Variants in NUP133 observed in about 807,000 individuals in gnomAD.
NUP133 encodes the protein nuclear pore complex protein Nup133.
In NUP133, 66 loss-of-function variants were observed where a neutral mutation model predicts 146.2. The ratio of observed to expected loss-of-function variants is 0.45; its 90% CI spans 0.37 to 0.55. The LOEUF is 0.55. NUP133 is among the 20% of genes least tolerant of loss of function. The pLI is 0.00. For missense variants in NUP133, 1,277 were observed against 1,374.8 expected (o/e 0.93, Z 1.12); for synonymous variants, 521 against 498.8 (o/e 1.04, Z -0.59).
At chr1:229,461,946 C>T (rs1460448308) in intron 19 of NUP133, among the ~76,000 whole-genome samples, 5 of 151,360 alleles carry the variant, frequency 3.3e-5, no homozygotes, top group South Asian at 4.2e-4. Context: ...TGCAGTGGCA[C>T]GATCTTGGCT....
chr1:229,493,642 A>T (rs1344853410), intron 8 of NUP133, among the ~76,000 whole-genome samples: 1 of 152,180 alleles, frequency 6.6e-6, no homozygotes, highest in East Asian at 1.9e-4. Context: ...TCAAGAACAT[A>T]ATAGAGTACT....
intron 21 of NUP133, among the ~76,000 whole-genome samples, chr1:229,455,851 TCTAATA>T (rs1160080004): frequency 3.3e-5 from 5 of 152,088 alleles, no homozygotes; most frequent in African/African-American, 1.2e-4. Context: ...AGTTATATCA[TCTAATA>T]CTAAGTATGT....
Position 229,445,517 on chromosome 1 carries a change from G to A in NUP133, c.3246-515C>T, listed in dbSNP as rs142077662. On this transcript the variant is annotated intron_variant, in intron 24 of 25. Transcript: ENST00000261396. ...TACTTTTGTGTAGAGACAAAGTCTC[G>A]CTATGTTCCCAGGCTGGTCTTGAAC... 4.7e-4 allele frequency among the ~76,000 whole-genome samples: 72 copies of A among 152,174 alleles called. 1 individual carries two copies. The East Asian group carries it at 9.3e-3, about 20-fold the overall frequency.
At chr1:229,445,042 T>C in intron 24 of NUP133, 40 bp from the exon 25 acceptor site, 3 of 1,321,924 alleles carry the variant, frequency 2.3e-6, no homozygotes, top group Non-Finnish European at 3.2e-6. Flanking sequence ...ATGAAATCAC[T>C]GATATAGCTG....
intron 6 of NUP133, among the ~76,000 whole-genome samples, chr1:229,497,490 A>T (rs964781860): frequency 6.6e-6 from 1 of 152,188 alleles, no homozygotes; most frequent in Non-Finnish European, 1.5e-5. Flanking sequence ...AACAAGAGGG[A>T]AACAGCACAG....
chr1:229,446,270 G>T (rs1056985660), intron 24 of NUP133, among the ~76,000 whole-genome samples: 1 of 152,108 alleles, frequency 6.6e-6, no homozygotes, highest in Non-Finnish European at 1.5e-5. Flanking sequence ...TTAGCTGGGC[G>T]TGGTGGCGCA....
chr1:229,481,662 G>A (rs1661214442), intron 12 of NUP133, among the ~76,000 whole-genome samples: 2 of 149,708 alleles, frequency 1.3e-5, no homozygotes, highest in South Asian at 4.2e-4. Context: ...TCACACCACT[G>A]CACTCTGGCC....
Position 229,477,750 on chromosome 1 carries a change from C to A in NUP133, c.1603G>T (p.Gly535Cys). 6.2e-7 allele frequency: 1 copy of A among 1,604,260 alleles called. No homozygotes were observed. Among genetic ancestry groups the A allele is most frequent in the Non-Finnish European group, 8.5e-7 (1 of 1,174,980 alleles). Residue 535 changes from glycine to cysteine, a missense_variant, in exon 13 of 26, where the codon GGT becomes TGT. Transcript: ENST00000261396. Reference protein sequence around the residue: ...AFLQYCRKDLGHAQMVVDELF... With the variant: ...AFLQYCRKDLCHAQMVVDELF... The stretch of plus-strand genomic sequence containing the variant: ...TCATCAACCACCATTTGAGCATGAC[C>A]TAAATCTTTTCTGAAATAAAATTGG...
chr1:229,470,022 GCCCCCTGC>G (rs1205274141), intron 15 of NUP133, among the ~76,000 whole-genome samples: 2 of 152,050 alleles, frequency 1.3e-5, no homozygotes, highest in Non-Finnish European at 2.9e-5. Context: ...AAGACTTAGT[GCCCCCTGC>G]CCCCAGAAAA....
At chr1:229,496,643 G>A (rs1661663821) in intron 6 of NUP133, among the ~76,000 whole-genome samples, 1 of 152,264 alleles carries the variant, frequency 6.6e-6, no homozygotes, top group Non-Finnish European at 1.5e-5. Context: ...TGTTACATTG[G>A]AATGTAGATG....
At chr1:229,506,722 C>T (rs1301259479) in intron 1 of NUP133, among the ~76,000 whole-genome samples, 3 of 150,152 alleles carry the variant, frequency 2.0e-5, no homozygotes, top group Non-Finnish European at 4.4e-5. Flanking sequence ...GCCTGGGGAA[C>T]GTGGCAAGAC....
At chr1:229,468,919 T>C (rs754369159) in intron 15 of NUP133, among the ~76,000 whole-genome samples, 24 of 152,300 alleles carry the variant, frequency 1.6e-4, no homozygotes, top group Middle Eastern at 3.4e-3. Context: ...CCCCAGGAAC[T>C]AACCCAAATG....
intron 19 of NUP133, 90 bp downstream of exon 19, chr1:229,463,452 CA>C: frequency 7.3e-7 from 1 of 1,362,616 alleles, no homozygotes; most frequent in Non-Finnish European, 1.0e-6. Flanking sequence ...TATCATATTC[CA>C]AAAGCCCTGA....
At chr1:229,465,953 A>C (rs748384701) in intron 16 of NUP133, among the ~76,000 whole-genome samples, 12 of 151,918 alleles carry the variant, frequency 7.9e-5, no homozygotes, top group Non-Finnish European at 1.0e-4. Context: ...ACAGATCTGC[A>C]TGATTACTTT....
intron 12 of NUP133, among the ~76,000 whole-genome samples, chr1:229,483,459 C>T (rs554639307): frequency 9.9e-5 from 15 of 152,146 alleles, no homozygotes; most frequent in South Asian, 2.1e-4. Context: ...TGGCTCACGC[C>T]TGTAATCCCA....
At chr1:229,478,453 TG>T (rs1661130220) in intron 12 of NUP133, among the ~76,000 whole-genome samples, 1 of 150,340 alleles carries the variant, frequency 6.7e-6, no homozygotes, top group African/African-American at 2.5e-5. Context: ...TGGGGAGAAC[TG>T]GGGGAGGGGT....
rs569954082 is a variant in NUP133, at chr1:229,470,319, A to G, written c.2076+261T>C. On this transcript the variant is annotated intron_variant, in intron 15 of 25. Transcript: ENST00000261396. Reference sequence around the variant, plus strand: ...AAAAAAAAAGAAGATCAGCATGCAAAGCAAATAGGTACTTGGAGACAGTTA... The same window carrying G: ...AAAAAAAAAGAAGATCAGCATGCAAGGCAAATAGGTACTTGGAGACAGTTA... 2.0e-5 allele frequency among the ~76,000 whole-genome samples: 3 copies of G among 152,270 alleles called. No homozygotes were observed. The East Asian group carries it at 5.8e-4, about 29-fold the overall frequency.
rs554949250 is a variant in NUP133, at chr1:229,449,524, C to T, written c.3181-334G>A. On this transcript the variant is annotated intron_variant, in intron 23 of 25. Transcript: ENST00000261396. Reference sequence around the variant, plus strand: ...CTGGGATTATAGGCACACACCACCACGCCCAGCTAATTTTTTTTGTATTTT... The same window carrying T: ...CTGGGATTATAGGCACACACCACCATGCCCAGCTAATTTTTTTTGTATTTT... Among the ~76,000 whole-genome samples, 8 of 151,606 alleles carry T rather than the reference C, an allele frequency of 5.3e-5. No individual in the cohort carries two copies. The East Asian group carries it at 5.9e-4, about 11-fold the overall frequency.
Position 229,506,170 on chromosome 1 carries a change from A to C in NUP133, c.183-12T>G, listed in dbSNP as rs751804314. 6.8e-7 allele frequency: 1 copy of C among 1,466,176 alleles called. No homozygotes were observed. Among genetic ancestry groups the C allele is most frequent in the African/African-American group, 1.4e-5 (1 of 71,784 alleles). The allele number at this position is 1,466,176 out of a possible 1,614,324, so 90.8% of individuals were successfully genotyped here. A position where few individuals can be genotyped will look rare whatever the true frequency, so the allele number is the denominator to read the frequency against. On this transcript the variant is annotated splice_polypyrimidine_tract_variant and intron_variant, in intron 1 of 25. Coordinates refer to ENST00000261396, the MANE Select transcript of NUP133 (RefSeq NM_018230.3). ...GTGTTGGTGTTCCCCTAAAGAAAAG[A>C]GTCTATATTACCTTACTTGTAACTT... is the stretch of plus-strand genomic sequence containing the variant.
Sources: allele counts gnomAD v4.1 joint callset (sites outside exome capture counted in the v4.1 genomes callset), GRCh38; gene constraint gnomAD v4.1.1; transcripts MANE v1.5; gene names NCBI Gene and HGNC (gene_info 2026-07-23, HGNC 2026-07-21).